The following TMEM201 variants were observed in gnomAD, a reference collection of about 807,000 sequenced individuals.
The protein encoded by TMEM201 is transmembrane protein 201.
TMEM201 carries 26 observed loss-of-function variants against 63.4 expected under a neutral mutation model. The ratio of observed to expected loss-of-function variants is 0.41; its 90% confidence interval spans 0.30 to 0.57. The LOEUF is 0.57. TMEM201 is among the 20% of genes least tolerant of loss of function. The probability of loss-of-function intolerance (pLI) is 0.29; values close to 1 mark genes in which losing one functional copy is unlikely to be tolerated. For missense variants in TMEM201, 794 were observed against 917.7 expected (o/e 0.87, Z 1.74); for synonymous variants, 417 against 421.6 (o/e 0.99, Z 0.14).
chr1:9,612,209 C>CACCTGTGGCCCGTGGTGCCAT (rs1358083472), intron 10 of TMEM201, among the ~76,000 whole-genome samples: 37 of 152,376 alleles, frequency 2.4e-4, no homozygotes, highest in Admixed American at 7.2e-4. Context: ...ATTTCAAGTG[C>CACCTGTGGCCCGTGGTGCCAT]TCAGTAGGCA....
At chr1:9,611,182 A>T in intron 9 of TMEM201, 1 of 639,106 alleles carries the variant, frequency 1.6e-6, no homozygotes, top group Non-Finnish European at 2.3e-6. Context: ...CAACTTTCAC[A>T]TGAATTTGTA....
chr1:9,595,773 A>C, intron 1 of TMEM201, 117 bp from the exon 2 acceptor site: 6 of 1,466,088 alleles, frequency 4.1e-6, no homozygotes, highest in East Asian at 2.4e-5. Context: ...GCATCCCCAG[A>C]TCCCAGATCC....
In TMEM201 at chr1:9,603,116, C is replaced by A; in HGVS notation, c.1160+844C>A. 1.0e-6 allele frequency: 1 copy of A among 985,512 alleles called. No individual in the cohort carries two copies. The highest frequency in any genetic ancestry group is 1.2e-6 in the Non-Finnish European group (1 of 829,990). The allele number at this position is 985,512 out of a possible 1,614,324, so 61.0% of individuals were successfully genotyped here. ...TCAGTGACATCAGGTCGTTGTCATC[C>A]TTTCCCTCCCTGACCTGTCACGAGC... On this transcript the variant is annotated intron_variant, in intron 6 of 10. Transcript: ENST00000340381. This position sits in a 1 kb window ranked among gnomAD's most constrained non-coding sequence, Gnocchi z 4.5.
intron 6 of TMEM201, chr1:9,602,534 A>G (rs917788185): frequency 7.2e-7 from 1 of 1,379,954 alleles, no homozygotes; most frequent in Non-Finnish European, 9.4e-7. Flanking sequence ...TCTCTGGCCA[A>G]TGGCCCTTTC....
chr1:9,604,635 A>G lies in TMEM201; in HGVS notation c.1160+2363A>G, dbSNP rs1455921637. 59 of 985,496 alleles carry G rather than the reference A, an allele frequency of 6.0e-5. No individual in the cohort carries two copies. The highest frequency in any genetic ancestry group is 1.0e-3 in the Middle Eastern group (2 of 1,938). 61.0% of individuals were successfully genotyped at this position (985,496 alleles called of 1,614,324 possible). A position where few individuals can be genotyped will look rare whatever the true frequency, so the allele number is the denominator to read the frequency against. On this transcript the variant is annotated intron_variant, in intron 6 of 10. Transcript: ENST00000340381. The surrounding 1 kb of genome is among the most constrained non-coding windows in gnomAD (Gnocchi z 4.1). Reference sequence around the variant, plus strand: ...AGGTATGGGTGACCGTCCCTGAGACATAAGCGAGGTAGATTCAGCCATCCT... The same window carrying G: ...AGGTATGGGTGACCGTCCCTGAGACGTAAGCGAGGTAGATTCAGCCATCCT...
Position 9,596,928 on chromosome 1 carries a change from C to G in TMEM201, c.304C>G (p.Pro102Ala). 1.2e-6 allele frequency: 2 copies of G among 1,612,698 alleles called. No homozygotes were observed. The highest frequency in any genetic ancestry group is 1.7e-6 in the Non-Finnish European group (2 of 1,179,562). ...EHLNHVVSSA[P>A]SLRDPSQPQQ... ...CCTGAACCACGTGGTGAGCAGCGCG[C>G]CCAGCCTGCGCGACCCTTCGCAGCC... The change falls in exon 3 of 11, where the codon CCC becomes GCC. Residue 102 changes from proline (P) to alanine (A), a missense_variant. Transcript: ENST00000340381.
chr1:9,593,836 G>A (rs182861794), intron 1 of TMEM201, among the ~76,000 whole-genome samples: 1 of 152,342 alleles, frequency 6.6e-6, no homozygotes, highest in East Asian at 1.9e-4. Flanking sequence ...TCAGGGGTGG[G>A]GGGTCACACA....
chr1:9,603,875 CTTG>C lies in TMEM201; in HGVS notation c.1160+1609_1160+1611del, dbSNP rs950308933. On this transcript the variant is annotated intron_variant, in intron 6 of 10. Transcript: ENST00000340381. The surrounding 1 kb of genome is among the most constrained non-coding windows in gnomAD (Gnocchi z 4.5). ...AAGGCCCCAGCGTTACTGGGCTCAGCTTGTTGTTCTGTGTGGAGCGTGAGGTGA... is the reference window on the plus strand; with the variant it reads ...AAGGCCCCAGCGTTACTGGGCTCAGCTTGTTCTGTGTGGAGCGTGAGGTGA... 18 of 985,368 alleles carry C rather than the reference CTTG, an allele frequency of 1.8e-5. No individual in the cohort carries two copies. Among genetic ancestry groups the C allele is most frequent in the East Asian group, 1.1e-4 (1 of 8,830 alleles). The allele number at this position is 985,368 out of a possible 1,614,324, so 61.0% of individuals were successfully genotyped here. A position where few individuals can be genotyped will look rare whatever the true frequency, so the allele number is the denominator to read the frequency against.
intron 10 of TMEM201, 116 bp downstream of exon 10, chr1:9,612,006 G>A: frequency 7.8e-7 from 1 of 1,275,162 alleles, no homozygotes; most frequent in South Asian, 1.6e-5. Flanking sequence ...TGCAGTCCCT[G>A]AGTGGCCGAC....
chr1:9,600,908 G>A (rs1472223857), intron 4 of TMEM201, among the ~76,000 whole-genome samples, 197 bp from the exon 5 acceptor site: 1 of 152,132 alleles, frequency 6.6e-6, no homozygotes. Context: ...TTCTTTAAAA[G>A]GAGAGGGTGG....
Position 9,591,174 on chromosome 1 carries a change from T to G in TMEM201, c.113+2131T>G, listed in dbSNP as rs1643912073. The stretch of plus-strand genomic sequence containing the variant: ...CATGGAGTCCTCTCGCTTCCATGGT[T>G]GTTACTGATGGGAGCAGCTGATGGC... On this transcript the variant is annotated intron_variant, in intron 1 of 10. Transcript: ENST00000340381. 2.6e-5 allele frequency among the ~76,000 whole-genome samples: 4 copies of G among 152,352 alleles called. No individual in the cohort carries two copies. In the South Asian group the frequency reaches 8.3e-4, roughly 32 times the overall value.
intron 2 of TMEM201, among the ~76,000 whole-genome samples, chr1:9,596,286 TGGGGTTCACACCCA>T (rs1644018850): frequency 6.6e-6 from 1 of 152,246 alleles, no homozygotes; most frequent in South Asian, 2.1e-4. Flanking sequence ...GTGGCAGATT[TGGGGTTCACACCCA>T]GGTCTTTCTG....
intron 1 of TMEM201, among the ~76,000 whole-genome samples, chr1:9,592,516 C>T (rs1238780544): frequency 6.6e-6 from 1 of 152,188 alleles, no homozygotes; most frequent in African/African-American, 2.4e-5. Flanking sequence ...CCCCCTCTAG[C>T]AGGTTCCCCC....
chr1:9,595,742 G>A (rs1644005911), intron 1 of TMEM201, 148 bp from the exon 2 acceptor site: 1 of 1,158,810 alleles, frequency 8.6e-7, no homozygotes, highest in Non-Finnish European at 1.2e-6. Flanking sequence ...CTGCTGTTCT[G>A]GGGCCAGCAT....
At position 9,609,958 on chromosome 1, in the gene TMEM201, C is replaced by T. The variant is rs375007715; in HGVS notation, c.1465+47C>T. 63 of 1,531,392 alleles carry T rather than the reference C, an allele frequency of 4.1e-5. No homozygotes were observed. In the African/African-American group the frequency reaches 4.1e-4, roughly 10 times the overall value. 94.9% of individuals were successfully genotyped at this position (1,531,392 alleles called of 1,614,324 possible). A position where few individuals can be genotyped will look rare whatever the true frequency, so the allele number is the denominator to read the frequency against. ...GTGGGGGACGGGGCAACATGAAGCCCGGGCGTTCCAGAGCATGGTGGTTTG... is the reference window on the plus strand; with the variant it reads ...GTGGGGGACGGGGCAACATGAAGCCTGGGCGTTCCAGAGCATGGTGGTTTG... On this transcript the variant is annotated intron_variant, in intron 8 of 10. Transcript: ENST00000340381.
At position 9,610,702 on chromosome 1, in the gene TMEM201, C is replaced by T. The variant is rs1195179001; in HGVS notation, c.1662C>T (p.Pro554=). ...CCCCTGGAGAGGCCCCCACCACGCCCAGCAGCTCCGATGAGCACTCGCCTC... is the reference window on the plus strand; with the variant it reads ...CCCCTGGAGAGGCCCCCACCACGCCTAGCAGCTCCGATGAGCACTCGCCTC... ...PSPPGEAPTT[P]SSSDEHSPHN... Residue 554 remains proline, a synonymous_variant, in exon 9 of 11, where the codon CCC becomes CCT. Coordinates refer to ENST00000340381, the MANE Select transcript of TMEM201 (RefSeq NM_001130924.3). This position sits in a 1 kb window ranked among gnomAD's most constrained non-coding sequence, Gnocchi z 4.9. 1 of 1,550,562 alleles carries T rather than the reference C, an allele frequency of 6.4e-7. No homozygotes were observed. The highest frequency in any genetic ancestry group is 8.7e-7 in the Non-Finnish European group (1 of 1,146,910).
Position 9,603,686 on chromosome 1 carries a change from G to A in TMEM201, c.1160+1414G>A, listed in dbSNP as rs535186901. 5 of 985,492 alleles carry A rather than the reference G, an allele frequency of 5.1e-6. No individual in the cohort carries two copies. The highest frequency in any genetic ancestry group is 1.7e-5 in the African/African-American group (1 of 57,356). 61.0% of individuals were successfully genotyped at this position (985,492 alleles called of 1,614,324 possible). ...GGGGGGGCAGGTGCCAGGCCTCACT[G>A]CTGTGAATCTGCCACGCCTGGGGGT... On this transcript the variant is annotated intron_variant, in intron 6 of 10. Coordinates refer to ENST00000340381, the MANE Select transcript of TMEM201 (RefSeq NM_001130924.3). The surrounding 1 kb of genome is among the most constrained non-coding windows in gnomAD (Gnocchi z 4.5).
chr1:9,595,593 A>G (rs115575932), intron 1 of TMEM201, among the ~76,000 whole-genome samples: 3,497 of 152,118 alleles, frequency 0.023, 142 homozygotes, highest in African/African-American at 0.077. Context: ...ACTGGAGCCT[A>G]GGGATCTGCT....
rs926824305 is a variant in TMEM201, at chr1:9,604,068, C to G, written c.1160+1796C>G. The G allele has an allele frequency of 2.9e-5, 29 of 985,350 alleles. No homozygotes were observed. The highest frequency in any genetic ancestry group is 2.5e-5 in the Non-Finnish European group (21 of 829,974). 61.0% of individuals were successfully genotyped at this position (985,350 alleles called of 1,614,324 possible). A position where few individuals can be genotyped will look rare whatever the true frequency, so the allele number is the denominator to read the frequency against. On this transcript the variant is annotated intron_variant, in intron 6 of 10. Transcript: ENST00000340381. The surrounding 1 kb of genome is among the most constrained non-coding windows in gnomAD (Gnocchi z 4.1). ...ACCCCCCAGCCCACAAAGAGCCCAT[C>G]TGAGAGAAGGACGTGGTGGAGCCAG...
Sources: allele counts gnomAD v4.1 joint callset (sites outside exome capture counted in the v4.1 genomes callset), GRCh38; gene constraint gnomAD v4.1.1; non-coding constraint Gnocchi (gnomAD v3.1); transcripts MANE v1.5; gene names NCBI Gene and HGNC (gene_info 2026-07-23, HGNC 2026-07-21).